The following SIK3 variants were observed in gnomAD, a reference collection of about 807,000 sequenced individuals.
The protein encoded by SIK3 is serine/threonine-protein kinase SIK3.
Under a neutral mutation model 144.2 loss-of-function variants are expected in SIK3, and 28 were observed. That is an observed-to-expected ratio of 0.19 (90% CI 0.14 to 0.27). The LOEUF is 0.27. Ranked by LOEUF, SIK3 falls within the 10% of genes least tolerant of loss-of-function variation. The probability of loss-of-function intolerance (pLI) is 1.00; values close to 1 mark genes in which losing one functional copy is unlikely to be tolerated. For synonymous variants in SIK3, 686 were observed against 676.3 expected (o/e 1.01, Z -0.22); for missense variants, 1,319 against 1,776.0 (o/e 0.74, Z 4.62).
intron 1 of SIK3, among the ~76,000 whole-genome samples, chr11:116,961,737 T>C (rs1949355103): frequency 6.6e-6 from 1 of 152,200 alleles, no homozygotes; most frequent in Non-Finnish European, 1.5e-5. Flanking sequence ...AAGAGCATGA[T>C]TTTGTAAATT....
intron 1 of SIK3, among the ~76,000 whole-genome samples, chr11:117,080,170 T>G (rs967646370): frequency 2.1e-4 from 32 of 152,166 alleles, no homozygotes; most frequent in African/African-American, 7.7e-4. Context: ...AATGTACTAA[T>G]AAGTAACTAC....
Position 116,858,100 on chromosome 11 carries a change from G to T in SIK3, c.3365C>A (p.Ala1122Asp), listed in dbSNP as rs772615460. ...CCCGTGGGGCGGGGTGGGTGAGGAA[G>T]CCTGTGAGACACATTCTTGTGCCCT... Reference protein sequence around the residue: ...QIRAQECVSQASSPTPPHGYA... With the variant: ...QIRAQECVSQDSSPTPPHGYA... Residue 1122 changes from alanine to aspartate, a missense_variant, in exon 21 of 25, where the codon GCT becomes GAT. Transcript: ENST00000445177. This position sits in a 1 kb window ranked among gnomAD's most constrained non-coding sequence, Gnocchi z 5.4. 1 of 1,614,122 alleles carries T rather than the reference G, an allele frequency of 6.2e-7. No individual in the cohort carries two copies. The highest frequency in any genetic ancestry group is 1.1e-5 in the South Asian group (1 of 91,074).
rs374668712 is a variant in SIK3, at chr11:116,847,575, C to T, written c.3853G>A (p.Val1285Met). Residue 1285 changes from valine to methionine, a missense_variant, in exon 23 of 25, where the codon GTG (valine) becomes ATG (methionine). Around this residue, in one of 8 missense-constraint regions of SIK3, gnomAD observed 646 missense variants for 763.7 expected, o/e 0.85. Transcript: ENST00000445177. ...QLDNLPGMSLVAGKALSSARM... is the reference protein window; with the variant it reads ...QLDNLPGMSLMAGKALSSARM... Reference sequence around the variant, plus strand: ...GCAGAGCTAAGTGCTTTCCCAGCCACGAGACTCATTCCTGGCAAGTTATCC... The same window carrying T: ...GCAGAGCTAAGTGCTTTCCCAGCCATGAGACTCATTCCTGGCAAGTTATCC... 1.1e-5 allele frequency: 18 copies of T among 1,614,170 alleles called. No individual in the cohort carries two copies. The highest frequency in any genetic ancestry group is 3.3e-5 in the South Asian group (3 of 91,082).
intron 1 of SIK3, among the ~76,000 whole-genome samples, chr11:116,958,773 A>T (rs1260701646): frequency 2.6e-5 from 4 of 152,002 alleles, no homozygotes; most frequent in Non-Finnish European, 5.9e-5. Flanking sequence ...GGATAATATA[A>T]CCCTTGACCA....
At chr11:116,970,619 G>A (rs1192866863) in intron 1 of SIK3, among the ~76,000 whole-genome samples, 1 of 152,230 alleles carries the variant, frequency 6.6e-6, no homozygotes, top group East Asian at 1.9e-4. Flanking sequence ...CAAAGTGCTA[G>A]GATAACAGGC....
intron 22 of SIK3, among the ~76,000 whole-genome samples, chr11:116,848,880 T>G (rs1942202538): frequency 6.6e-6 from 1 of 152,142 alleles, no homozygotes; most frequent in Non-Finnish European, 1.5e-5. Context: ...CAAAAGTCAC[T>G]TGAACTGGGG....
Position 117,098,374 on chromosome 11 carries a change from C to T in SIK3, c.42G>A (p.Gly14=). ...CGGGCCCGGCTCCCCCAGTCCCGGC[C>T]CCGGCAGCCCCGCCAGCTCCGCTCG... ...AAASGAGGAA[G]AGTGGAGPAG... is the part of the protein sequence containing the mutation. Residue 14 remains glycine, a synonymous_variant, in exon 1 of 25, where the codon GGG becomes GGA. Coordinates refer to ENST00000445177, the MANE Select transcript of SIK3 (RefSeq NM_001366686.3). 8.5e-7 allele frequency: 1 copy of T among 1,171,844 alleles called. No individual in the cohort carries two copies. Among genetic ancestry groups the T allele is most frequent in the Non-Finnish European group, 1.1e-6 (1 of 951,002 alleles). 72.6% of individuals were successfully genotyped at this position (1,171,844 alleles called of 1,614,324 possible). A position where few individuals can be genotyped will look rare whatever the true frequency, so the allele number is the denominator to read the frequency against.
chr11:116,929,731 G>A (rs909663024), intron 3 of SIK3, among the ~76,000 whole-genome samples: 1 of 152,212 alleles, frequency 6.6e-6, no homozygotes, highest in African/African-American at 2.4e-5. Flanking sequence ...GAATAAACGT[G>A]TACTCTGATT....
intron 1 of SIK3, among the ~76,000 whole-genome samples, chr11:117,046,372 G>A (rs769419878): frequency 4.8e-4 from 73 of 152,076 alleles, no homozygotes; most frequent in Non-Finnish European, 8.2e-4. Flanking sequence ...TATCCTTTGC[G>A]GCACTATTCA....
chr11:117,028,587 G>C (rs946947430), intron 1 of SIK3, among the ~76,000 whole-genome samples: 1 of 151,992 alleles, frequency 6.6e-6, no homozygotes, highest in African/African-American at 2.4e-5. Context: ...CTGAATCTTA[G>C]GATGTGAAAG....
intron 3 of SIK3, among the ~76,000 whole-genome samples, chr11:116,945,638 A>G (rs1228629758): frequency 6.6e-6 from 1 of 152,128 alleles, no homozygotes; most frequent in African/African-American, 2.4e-5. Flanking sequence ...TAGTGGCCTC[A>G]AAACCCTTGT....
chr11:117,048,666 A>C (rs1452123482), intron 1 of SIK3, among the ~76,000 whole-genome samples: 1 of 151,888 alleles, frequency 6.6e-6, no homozygotes, highest in Non-Finnish European at 1.5e-5. Flanking sequence ...CAAAAAAAAA[A>C]CTTTCCCATT....
At chr11:116,953,370 GA>G (rs1448736863) in intron 3 of SIK3, among the ~76,000 whole-genome samples, 3 of 152,098 alleles carry the variant, frequency 2.0e-5, no homozygotes, top group Admixed American at 2.0e-4. Context: ...CATCAATTTA[GA>G]TTTGGAAGTT....
At chr11:116,884,725 T>C (rs1944727233) in intron 6 of SIK3, among the ~76,000 whole-genome samples, 1 of 150,342 alleles carries the variant, frequency 6.7e-6, no homozygotes, top group Non-Finnish European at 1.5e-5. Context: ...AATCTTCCCA[T>C]CTCAGCCTCC....
At chr11:117,096,858 T>C (rs1213340602) in intron 1 of SIK3, among the ~76,000 whole-genome samples, 1 of 152,090 alleles carries the variant, frequency 6.6e-6, no homozygotes, top group South Asian at 2.1e-4. Flanking sequence ...AGGTAGGTCA[T>C]GACAACCAGA....
intron 19 of SIK3, 45 bp from the exon 20 acceptor site, chr11:116,859,649 A>G (rs1943200472): frequency 2.6e-6 from 4 of 1,543,860 alleles, no homozygotes; most frequent in South Asian, 1.2e-5. Context: ...CCAGGCCACC[A>G]GCCAGCCAGA....
At chr11:117,013,712 T>C (rs1412135838) in intron 1 of SIK3, among the ~76,000 whole-genome samples, 1 of 151,548 alleles carries the variant, frequency 6.6e-6, no homozygotes, top group Non-Finnish European at 1.5e-5. Context: ...AAAAAATGCT[T>C]CCAGTGCTAT....
At chr11:116,855,517 C>T (rs1391892484) in intron 21 of SIK3, 1 of 152,228 alleles carries the variant, frequency 6.6e-6, no homozygotes, top group Non-Finnish European at 1.5e-5. Flanking sequence ...TCTACACACA[C>T]AAGTCACACA....
chr11:116,878,340 C>G (rs1944366231), intron 6 of SIK3, among the ~76,000 whole-genome samples: 1 of 151,736 alleles, frequency 6.6e-6, no homozygotes. Context: ...AGAATGAAAT[C>G]TAAAGTCCTG....
Sources: allele counts gnomAD v4.1 joint callset (sites outside exome capture counted in the v4.1 genomes callset), GRCh38; gene constraint gnomAD v4.1.1; regional missense constraint gnomAD v4.1.1; non-coding constraint Gnocchi (gnomAD v3.1); transcripts MANE v1.5; gene names NCBI Gene and HGNC (gene_info 2026-07-23, HGNC 2026-07-21).